PFDN1: variants seen among roughly 807,000 people sequenced by gnomAD.
PFDN1 encodes the protein prefoldin 1.
PFDN1 carries 6 observed loss-of-function variants against 17.3 expected under a neutral mutation model. The observed-to-expected ratio is 0.35, with a 90% confidence interval of 0.19 to 0.69. The LOEUF (loss-of-function observed/expected upper bound fraction) is 0.69, where lower values mean the gene tolerates loss of function less well. Ranked by LOEUF, PFDN1 falls within the 30% of genes least tolerant of loss-of-function variation. PFDN1 has a pLI of 0.65. For synonymous variants in PFDN1, 58 were observed against 50.1 expected, an observed-to-expected ratio of 1.16 and a Z score of -0.67; for missense variants, 113 against 146.2, an observed-to-expected ratio of 0.77 and a Z score of 1.17.
At chr5:140,289,779 CTA>C (rs1010362243) in intron 2 of PFDN1, among the ~76,000 whole-genome samples, 1 of 152,166 alleles carries the variant, frequency 6.6e-6, no homozygotes, top group Non-Finnish European at 1.5e-5. Flanking sequence ...CCAACATTCC[CTA>C]TAAGTAGTTT....
chr5:140,278,649 A>G (rs1765342929), intron 3 of PFDN1, among the ~76,000 whole-genome samples: 1 of 151,986 alleles, frequency 6.6e-6, no homozygotes, highest in Non-Finnish European at 1.5e-5. Context: ...TGCCCCCCCA[A>G]CACTGTATTC....
At chr5:140,261,819 C>T (rs1457430059) in intron 3 of PFDN1, among the ~76,000 whole-genome samples, 1 of 152,040 alleles carries the variant, frequency 6.6e-6, no homozygotes, top group East Asian at 1.9e-4. Context: ...GATCTTTGCT[C>T]ATAGCTCTCG....
intron 3 of PFDN1, among the ~76,000 whole-genome samples, chr5:140,256,003 TACTC>T (rs1344760884): frequency 6.6e-6 from 1 of 152,202 alleles, no homozygotes; most frequent in Non-Finnish European, 1.5e-5. Context: ...TCTGTCATCT[TACTC>T]AACCTCTCAA....
At chr5:140,275,892 CA>C (rs1765283553) in intron 3 of PFDN1, among the ~76,000 whole-genome samples, 1 of 152,056 alleles carries the variant, frequency 6.6e-6, no homozygotes, top group Admixed American at 6.5e-5. Context: ...TGACCCCAAC[CA>C]ATATGAACCT....
At chr5:140,302,455 T>C (rs1765762841) in intron 1 of PFDN1, among the ~76,000 whole-genome samples, 1 of 152,232 alleles carries the variant, frequency 6.6e-6, no homozygotes, top group Non-Finnish European at 1.5e-5. Context: ...TTTTTGACAA[T>C]TCCTTCAAAA....
intron 2 of PFDN1, among the ~76,000 whole-genome samples, chr5:140,289,595 C>T (rs1765549084): frequency 6.6e-6 from 1 of 152,126 alleles, no homozygotes; most frequent in Admixed American, 6.5e-5. Context: ...CCCAAAGTCC[C>T]TAGGAGAACT....
intron 3 of PFDN1, among the ~76,000 whole-genome samples, chr5:140,278,557 C>CAAAAAAAAAAAAAAA (rs113129230): frequency 5.1e-5 from 4 of 79,014 alleles, no homozygotes; most frequent in Non-Finnish European, 6.9e-5. Flanking sequence ...GACTCTGTCT[C>CAAAAAAAAAAAAAAA]AAAAAAAAAA....
At chr5:140,278,575 A>C (rs1288988216) in intron 3 of PFDN1, among the ~76,000 whole-genome samples, 6 of 150,810 alleles carry the variant, frequency 4.0e-5, no homozygotes, top group East Asian at 1.9e-4. Context: ...AAAAAAAAAA[A>C]AAAAAAAAAA....
chr5:140,263,413 T>C (rs1017851050), intron 3 of PFDN1, among the ~76,000 whole-genome samples: 1 of 152,188 alleles, frequency 6.6e-6, no homozygotes, highest in African/African-American at 2.4e-5. Context: ...TCTTTACTAA[T>C]ATTAAAGGTA....
chr5:140,276,780 CAA>C (rs35889345), intron 3 of PFDN1, among the ~76,000 whole-genome samples: 10,031 of 43,674 alleles, frequency 0.23, 66 homozygotes, highest in South Asian at 0.31. Flanking sequence ...GACACCGTCT[CAA>C]AAAAAAAAAA....
intron 1 of PFDN1, among the ~76,000 whole-genome samples, chr5:140,301,265 A>T (rs761894898): frequency 6.6e-6 from 1 of 152,218 alleles, no homozygotes; most frequent in Non-Finnish European, 1.5e-5. Context: ...TTTTAAGAGG[A>T]AGACCAAGAA....
intron 2 of PFDN1, among the ~76,000 whole-genome samples, chr5:140,283,097 C>T (rs1765434287): frequency 6.6e-6 from 1 of 152,216 alleles, no homozygotes; most frequent in Non-Finnish European, 1.5e-5. Context: ...GGGCAATTAG[C>T]TATGCCCCAA....
Position 140,299,313 on chromosome 5 carries a change from T to C in PFDN1, c.200+1103A>G, listed in dbSNP as rs577960518. Among the ~76,000 whole-genome samples, 25 of 152,210 alleles carry C rather than the reference T, an allele frequency of 1.6e-4. 1 individual carries two copies. The South Asian group carries it at 5.2e-3, about 32-fold the overall frequency. ...AACAGGAAAGTAAGCACTTAAGAAATGTACTTTGAGGCCAGGGGCGGTGGC... is the reference window on the plus strand; with the variant it reads ...AACAGGAAAGTAAGCACTTAAGAAACGTACTTTGAGGCCAGGGGCGGTGGC... On this transcript the variant is annotated intron_variant, in intron 2 of 3. Coordinates refer to ENST00000261813, the MANE Select transcript of PFDN1 (RefSeq NM_002622.5).
At chr5:140,256,658 C>CAAAAAAAAAAAAAAAAAAAAAAAA (rs757723797) in intron 3 of PFDN1, among the ~76,000 whole-genome samples, 7 of 39,890 alleles carry the variant, frequency 1.8e-4, no homozygotes, top group Admixed American at 4.3e-4. Flanking sequence ...CAAAAAATGA[C>CAAAAAAAAAAAAAAAAAAAAAAAA]AAAAAAAAAA....
At chr5:140,258,833 T>C (rs1002605158) in intron 3 of PFDN1, among the ~76,000 whole-genome samples, 1 of 152,098 alleles carries the variant, frequency 6.6e-6, no homozygotes, top group African/African-American at 2.4e-5. Context: ...CTGTGAGACA[T>C]CCAAATGAGA....
chr5:140,269,985 C>CT lies in PFDN1; in HGVS notation c.285+11463dup, dbSNP rs1765183465. Among the ~76,000 whole-genome samples the CT allele has an allele frequency of 2.0e-5, 3 of 152,246 alleles. No individual in the cohort carries two copies. In the South Asian group the frequency reaches 6.2e-4, roughly 32 times the overall value. On this transcript the variant is annotated intron_variant, in intron 3 of 3. Coordinates refer to ENST00000261813, the MANE Select transcript of PFDN1 (RefSeq NM_002622.5). The stretch of plus-strand genomic sequence containing the variant: ...CTGAAATGTCAACCTTTCTTTGGAT[C>CT]TTTTTCTGAGCTGATGTGTAGCATG...
intron 2 of PFDN1, among the ~76,000 whole-genome samples, chr5:140,282,857 T>G (rs1324374706): frequency 2.0e-5 from 3 of 152,214 alleles, no homozygotes; most frequent in Non-Finnish European, 4.4e-5. Context: ...TATATTTCAA[T>G]TTAATATTGC....
chr5:140,292,518 C>G (rs1765594889), intron 2 of PFDN1, among the ~76,000 whole-genome samples: 1 of 152,114 alleles, frequency 6.6e-6, no homozygotes, highest in Middle Eastern at 3.2e-3. Context: ...ATACTAGACT[C>G]CTGTTGCTGT....
chr5:140,300,283 C>T, intron 2 of PFDN1, 133 bp downstream of exon 2: 1 of 644,610 alleles, frequency 1.6e-6, no homozygotes, highest in African/African-American at 1.8e-5. Context: ...CTCGCCTCGA[C>T]CTCCCAAAGT....
Sources: gnomAD v4.1 joint callset for allele counts (sites outside exome capture counted in the v4.1 genomes callset) on GRCh38, gnomAD v4.1.1 for gene constraint, MANE v1.5 for transcripts, NCBI Gene and HGNC (gene_info 2026-07-23, HGNC 2026-07-21) for gene names.